The following MED12L variants were observed in gnomAD, a reference collection of about 807,000 sequenced individuals.
MED12L encodes the protein mediator complex subunit 12L, also known as mediator of RNA polymerase II transcription subunit 12-like protein.
MED12L carries 60 observed loss-of-function variants against 281.3 expected under a neutral mutation model. The observed-to-expected ratio is 0.21, with a 90% CI of 0.17 to 0.26. The LOEUF (loss-of-function observed/expected upper bound fraction) is 0.26, where lower values mean the gene tolerates loss of function less well. Among genes scored for constraint, MED12L ranks in the 10% least tolerant of loss-of-function variants. The pLI, the probability that MED12L is intolerant of heterozygous loss-of-function variation, is 1.00. For synonymous variants in MED12L, 974 were observed against 987.2 expected (o/e 0.99, Z 0.25); for missense variants, 2,146 against 2,680.9 (o/e 0.80, Z 4.41).
At chr3:151,348,340 C>CAAAAAAAAAAA (rs11382065) in intron 16 of MED12L, among the ~76,000 whole-genome samples, 2 of 87,802 alleles carry the variant, frequency 2.3e-5, no homozygotes, top group Non-Finnish European at 4.3e-5. Flanking sequence ...ACCACCAGAC[C>CAAAAAAAAAAA]AAAAAAAAAA....
At chr3:151,315,627 T>A (rs886285960) in intron 16 of MED12L, among the ~76,000 whole-genome samples, 48 of 152,164 alleles carry the variant, frequency 3.2e-4, no homozygotes, top group Admixed American at 3.1e-3. Context: ...GCCTCTTTGA[T>A]CCCTAACTTC....
At position 151,409,286 on chromosome 3, in the gene MED12L, G is replaced by T; in HGVS notation, c.5864G>T (p.Arg1955Leu). The T allele has an allele frequency of 1.2e-6, 2 of 1,612,868 alleles. No homozygotes were observed. The highest frequency in any genetic ancestry group is 1.1e-5 in the South Asian group (1 of 90,908). ...DQAALFAAQA[R>L]PSPQLPQYPG... ...GCTGCTCTCTTTGCTGCGCAAGCACGGCCCTCCCCTCAGCTCCCTCAGTAT... is the reference window on the plus strand; with the variant it reads ...GCTGCTCTCTTTGCTGCGCAAGCACTGCCCTCCCCTCAGCTCCCTCAGTAT... The change falls in exon 40 of 45, where the codon CGG (arginine) becomes CTG (leucine). Residue 1955 changes from arginine (R) to leucine (L), a missense_variant. Coordinates refer to ENST00000687756, the MANE Select transcript of MED12L (RefSeq NM_001393769.1).
chr3:151,133,053 G>A (rs75151725), intron 5 of MED12L, among the ~76,000 whole-genome samples: 7 of 152,300 alleles, frequency 4.6e-5, no homozygotes, highest in East Asian at 1.9e-4. Context: ...CATTCAGCAC[G>A]TTTGGGAAAA....
rs1490227295 is a variant in MED12L, at chr3:151,390,126, C to G, written c.5599C>G (p.Leu1867Val). ...CGGCTTTTTCCTTCAGAACCAATCTCTTACTCCAGGTATGTGATGAGAAAG... is the reference window on the plus strand; with the variant it reads ...CGGCTTTTTCCTTCAGAACCAATCTGTTACTCCAGGTATGTGATGAGAAAG... ...QPGFFLQNQS[L>V]TPGGSRLDPA... is the part of the protein sequence containing the mutation. Residue 1867 changes from leucine to valine, a missense_variant, in exon 38 of 45, where the codon CTT becomes GTT. Physicochemically the swap from Leu to Val is conservative, Grantham distance 32 (BLOSUM62 1). Transcript: ENST00000687756. The G allele has an allele frequency of 1.9e-6, 3 of 1,613,926 alleles. No homozygotes were observed. The highest frequency in any genetic ancestry group is 2.5e-6 in the Non-Finnish European group (3 of 1,179,928).
intron 20 of MED12L, among the ~76,000 whole-genome samples, chr3:151,357,936 G>T (rs554725474): frequency 2.0e-5 from 3 of 152,140 alleles, no homozygotes; most frequent in Non-Finnish European, 4.4e-5. Context: ...AAAGACTGAG[G>T]CTAAGGCACC....
chr3:151,182,943 A>G (rs1405198084), intron 11 of MED12L, among the ~76,000 whole-genome samples: 1 of 152,166 alleles, frequency 6.6e-6, no homozygotes, highest in Non-Finnish European at 1.5e-5. Context: ...GATCATATGT[A>G]TAAATAGGGC....
At chr3:151,368,988 C>G (rs1018419872) in intron 25 of MED12L, among the ~76,000 whole-genome samples, 3 of 152,002 alleles carry the variant, frequency 2.0e-5, no homozygotes, top group African/African-American at 7.2e-5. Context: ...GTCTTGAACT[C>G]CTGACCTCGT....
intron 11 of MED12L, among the ~76,000 whole-genome samples, chr3:151,166,647 C>A (rs1385961673): frequency 6.6e-6 from 1 of 150,878 alleles, no homozygotes; most frequent in Non-Finnish European, 1.5e-5. Flanking sequence ...AGTCTGGAGG[C>A]AGAATTCTTT....
intron 4 of MED12L, among the ~76,000 whole-genome samples, chr3:151,127,463 A>G (rs1204985320): frequency 1.3e-5 from 2 of 152,242 alleles, no homozygotes; most frequent in Non-Finnish European, 2.9e-5. Context: ...ATTTTGAGAT[A>G]AATTCTTTGG....
intron 5 of MED12L, among the ~76,000 whole-genome samples, chr3:151,142,960 A>C (rs889625906): frequency 1.3e-5 from 2 of 152,236 alleles, no homozygotes; most frequent in Non-Finnish European, 2.9e-5. Flanking sequence ...AGGAATTCAT[A>C]GGGTATGCCG....
intron 11 of MED12L, among the ~76,000 whole-genome samples, chr3:151,166,910 C>T (rs953148825): frequency 6.6e-6 from 1 of 151,970 alleles, no homozygotes; most frequent in Non-Finnish European, 1.5e-5. Flanking sequence ...TCCTGATCTC[C>T]TGATTCGCCT....
intron 5 of MED12L, among the ~76,000 whole-genome samples, chr3:151,141,187 G>GTTTTTTTGTTTTTTTTTTTTTTTTT (rs376743895): frequency 1.0e-5 from 1 of 99,106 alleles, no homozygotes; most frequent in African/African-American, 4.8e-5. Context: ...TGTTTTTTTT[G>GTTTTTTTGTTTTTTTTTTTTTTTTT]TTTTTTTTTT....
At chr3:151,172,026 T>A (rs1279264598) in intron 11 of MED12L, among the ~76,000 whole-genome samples, 3 of 152,232 alleles carry the variant, frequency 2.0e-5, no homozygotes, top group Admixed American at 6.5e-5. Flanking sequence ...GAAGCACCCC[T>A]ATAAGATTTG....
intron 2 of MED12L, among the ~76,000 whole-genome samples, chr3:151,103,070 A>G (rs946115948): frequency 6.6e-6 from 1 of 152,374 alleles, no homozygotes; most frequent in East Asian, 1.9e-4. Context: ...TAAGATTGCA[A>G]TGCAAGAACT....
intron 16 of MED12L, among the ~76,000 whole-genome samples, chr3:151,305,489 C>T (rs1746516027): frequency 6.6e-6 from 1 of 152,052 alleles, no homozygotes; most frequent in Non-Finnish European, 1.5e-5. Flanking sequence ...TGCTTTTGGA[C>T]CCCGAACTTG....
Position 151,335,460 on chromosome 3 carries a change from C to T in MED12L, c.2251-14599C>T, listed in dbSNP as rs73006563. Among the ~76,000 whole-genome samples the T allele has an allele frequency of 5.1e-3, 780 of 152,244 alleles. 5 individuals carry two copies. The highest frequency in any genetic ancestry group is 0.018 in the African/African-American group (749 of 41,546). On this transcript the variant is annotated intron_variant, in intron 16 of 44. Transcript: ENST00000687756. Reference sequence around the variant, plus strand: ...TAGTTTGCCAACACCTGCTTCAGACCTTTTCTGTAAGAAACCACTGAGAAA... The same window carrying T: ...TAGTTTGCCAACACCTGCTTCAGACTTTTTCTGTAAGAAACCACTGAGAAA...
At chr3:151,391,878 T>C (rs1402537663) in intron 38 of MED12L, among the ~76,000 whole-genome samples, 5 of 152,188 alleles carry the variant, frequency 3.3e-5, no homozygotes, top group Non-Finnish European at 7.4e-5. Context: ...GTTGAGTGAA[T>C]GAATATAGAC....
chr3:151,305,819 A>G (rs780532385), intron 16 of MED12L, among the ~76,000 whole-genome samples: 5 of 152,190 alleles, frequency 3.3e-5, no homozygotes, highest in Admixed American at 6.5e-5. Flanking sequence ...TAATCTTCCA[A>G]ACTAGAGGTC....
chr3:151,115,717 C>G (rs1005226430), intron 2 of MED12L, among the ~76,000 whole-genome samples: 1 of 151,312 alleles, frequency 6.6e-6, no homozygotes, highest in Non-Finnish European at 1.5e-5. Flanking sequence ...TTTTCTTTTT[C>G]TAACTTATAA....
Sources: allele counts gnomAD v4.1 joint callset (sites outside exome capture counted in the v4.1 genomes callset), GRCh38; gene constraint gnomAD v4.1.1; transcripts MANE v1.5; gene names NCBI Gene and HGNC (gene_info 2026-07-23, HGNC 2026-07-21).